The following PIGA variants were observed in gnomAD, a reference collection of about 807,000 sequenced individuals.
The protein encoded by PIGA is phosphatidylinositol glycan anchor biosynthesis class A.
A neutral mutation model predicts 17.1 loss-of-function variants in PIGA; 3 were observed. The observed-to-expected ratio is 0.18, with a 90% CI of 0.08 to 0.45. The LOEUF (loss-of-function observed/expected upper bound fraction) is 0.45, where lower values mean the gene tolerates loss of function less well. Ranked by LOEUF, PIGA falls within the 20% of genes least tolerant of loss-of-function variation. The pLI is 0.99. For synonymous variants in PIGA, 126 were observed against 135.1 expected (o/e 0.93, Z 0.47); for missense variants, 231 against 374.1 (o/e 0.62, Z 3.16).
chrX:15,335,477 AG>A (rs1329753069), intron 1 of PIGA, 23 bp downstream of exon 1: 1 of 988,190 alleles, frequency 1.0e-6, no homozygotes, highest in Non-Finnish European at 1.3e-6. Flanking sequence ...AGCGCTGGAG[AG>A]GGGCGGCGCG....
intron 5 of PIGA, among the ~76,000 whole-genome samples, chrX:15,324,401 T>C (rs1463145505): frequency 1.8e-5 from 2 of 112,402 alleles, no homozygotes; most frequent in African/African-American, 3.2e-5. Flanking sequence ...TTGTGACTTT[T>C]AGAAAATTTT....
At chrX:15,330,819 G>A (rs2147723123) in intron 2 of PIGA, 1 of 119,251 alleles carries the variant, frequency 8.4e-6, no homozygotes, top group South Asian at 3.0e-4. Flanking sequence ...AGCCAGGATG[G>A]TCTCAACCTC....
intron 2 of PIGA, 131 bp from the exon 3 acceptor site, chrX:15,326,177 A>G (rs1362538352): frequency 7.7e-6 from 3 of 389,496 alleles, no homozygotes; most frequent in Admixed American, 4.8e-5. Flanking sequence ...ACTCTCTTAA[A>G]CCTTTTCCAG....
In PIGA at chrX:15,320,420, C is replaced by G. The variant is rs1921767444; in HGVS notation, c.*1086G>C. 1 of 112,474 alleles carries G rather than the reference C, an allele frequency of 8.9e-6. No homozygotes were observed. Among genetic ancestry groups the G allele is most frequent in the East Asian group, 2.8e-4 (1 of 3,610 alleles). 9.3% of individuals were successfully genotyped at this position (112,474 alleles called of 1,213,427 possible). ...CAAAGACTGTTTCTAAAATTTTCAA[C>G]TTAGTTTGCTATAAATAAACCATTC... is the stretch of plus-strand genomic sequence containing the variant. On this transcript the variant is annotated 3_prime_UTR_variant, in exon 6 of 6. Transcript: ENST00000333590.
chrX:15,331,904 A>G lies in PIGA; in HGVS notation c.27T>C (p.Asn9=). The part of the protein sequence containing the change: MACRGGAG[N]GHRASATLSR... ...AGAGTGTAGCTGAGGCACGGTGGCC[A>G]TTCCCAGCTCCTCCTCTACAGGCCA... The change falls in exon 2 of 6, where the codon AAT becomes AAC. Residue 9 remains asparagine (N), a synonymous_variant. Coordinates refer to ENST00000333590, the MANE Select transcript of PIGA (RefSeq NM_002641.4). The G allele has an allele frequency of 8.3e-7, 1 of 1,206,906 alleles. No homozygotes were observed. The highest frequency in any genetic ancestry group is 3.0e-5 in the East Asian group (1 of 33,818).
chrX:15,333,101 A>G (rs1216512515), intron 1 of PIGA, among the ~76,000 whole-genome samples: 1 of 111,822 alleles, frequency 8.9e-6, no homozygotes, highest in Non-Finnish European at 1.9e-5. Context: ...GTGCCCATTC[A>G]TTTATGTGAA....
chrX:15,335,432 C>G, intron 1 of PIGA, 69 bp downstream of exon 1: 1 of 949,551 alleles, frequency 1.1e-6, no homozygotes, highest in Non-Finnish European at 1.3e-6. Context: ...CACGATCCCA[C>G]GCGCGCAGAA....
Position 15,329,689 on chromosome X carries a change from C to T in PIGA, c.715+1527G>A, listed in dbSNP as rs184337037. Among the ~76,000 whole-genome samples the T allele has an allele frequency of 7.2e-5, 8 of 111,590 alleles. No individual in the cohort carries two copies. The East Asian group carries it at 2.3e-3, about 31-fold the overall frequency. On this transcript the variant is annotated intron_variant, in intron 2 of 5. Coordinates refer to ENST00000333590, the MANE Select transcript of PIGA (RefSeq NM_002641.4). ...AGTGGACAGGTTTTCAAATAGCACTCAGAAGACACTGTTTTTTATAACCAG... is the reference window on the plus strand; with the variant it reads ...AGTGGACAGGTTTTCAAATAGCACTTAGAAGACACTGTTTTTTATAACCAG...
chrX:15,320,452 A>G lies in PIGA; in HGVS notation c.*1054T>C, dbSNP rs1158212445. ...TGCTATAAATAAACCATTCTGAAGT[A>G]AAGCCTTTTGCACACTGACAATACT... On this transcript the variant is annotated 3_prime_UTR_variant, in exon 6 of 6. Coordinates refer to ENST00000333590, the MANE Select transcript of PIGA (RefSeq NM_002641.4). The G allele has an allele frequency of 1.8e-5, 2 of 112,648 alleles. No homozygotes were observed. The highest frequency in any genetic ancestry group is 3.2e-5 in the African/African-American group (1 of 30,983). 9.3% of individuals were successfully genotyped at this position (112,648 alleles called of 1,213,427 possible). A position where few individuals can be genotyped will look rare whatever the true frequency, so the allele number is the denominator to read the frequency against.
chrX:15,324,961 C>T, intron 4 of PIGA, 59 bp downstream of exon 4: 1 of 1,163,719 alleles, frequency 8.6e-7, no homozygotes, highest in South Asian at 1.9e-5. Flanking sequence ...TGGAATGTGT[C>T]TCATTATTTT....
intron 2 of PIGA, among the ~76,000 whole-genome samples, chrX:15,329,854 G>A (rs1922098790): frequency 1.8e-5 from 2 of 111,339 alleles, no homozygotes; most frequent in African/African-American, 3.3e-5. Context: ...GGGAGGCCGG[G>A]GCAGGTGGAT....
Position 15,324,795 on chromosome X carries a change from T to C in PIGA, c.1058A>G (p.Lys353Arg), listed in dbSNP as rs749191978. The change falls in exon 5 of 6, where the codon AAA (lysine) becomes AGA (arginine). Residue 353 changes from lysine (K) to arginine (R), a missense_variant. This residue lies in a region of PIGA where 88 missense variants were observed against 100.5 expected (regional missense o/e 0.88). Transcript: ENST00000333590. ...CTTTTCCAATCCTTCACACAAAGAT[T>C]TTACTGAAGGCTCACATAAAATAAT... ...NLIILCEPSV[K>R]SLCEGLEKAI... The C allele has an allele frequency of 8.3e-7, 1 of 1,209,549 alleles. No homozygotes were observed.
At chrX:15,335,393 G>C (rs1373035108) in intron 1 of PIGA, 108 bp downstream of exon 1, 16 of 732,371 alleles carry the variant, frequency 2.2e-5, no homozygotes, top group Non-Finnish European at 2.9e-5. Context: ...GCTTCGAACC[G>C]GGTCGGTTTC....
chrX:15,324,973 C>A, intron 4 of PIGA, 47 bp downstream of exon 4: 1 of 1,173,701 alleles, frequency 8.5e-7, no homozygotes. Context: ...CATTATTTTT[C>A]AAAATACACA....
chrX:15,328,427 G>C (rs1336033262), intron 2 of PIGA: 1 of 112,206 alleles, frequency 8.9e-6, no homozygotes, highest in East Asian at 2.8e-4. Flanking sequence ...GCTTGGAAGA[G>C]GAGGCTCAGG....
intron 2 of PIGA, chrX:15,328,368 GTGCCTA>G (rs1201814329): frequency 2.7e-5 from 3 of 112,125 alleles, no homozygotes; most frequent in Non-Finnish European, 5.6e-5. Context: ...GCAGGTGAGC[GTGCCTA>G]CACATGCAGA....
chrX:15,330,522 T>C (rs1280143323), intron 2 of PIGA, among the ~76,000 whole-genome samples: 3 of 112,775 alleles, frequency 2.7e-5, no homozygotes, highest in African/African-American at 9.7e-5. Context: ...GTGCTTTTCT[T>C]AGTTTCCAAA....
intron 5 of PIGA, among the ~76,000 whole-genome samples, chrX:15,324,190 T>C (rs1921900534): frequency 8.9e-6 from 1 of 112,405 alleles, no homozygotes; most frequent in Non-Finnish European, 1.9e-5. Context: ...GCAAAAATCC[T>C]TTTCCTGGAG....
rs1602206586 is a variant in PIGA, at chrX:15,321,615, G to A, written c.1346C>T (p.Ser449Phe). 1 of 1,208,067 alleles carries A rather than the reference G, an allele frequency of 8.3e-7. No homozygotes were observed. The highest frequency in any genetic ancestry group is 2.2e-5 in the Admixed American group (1 of 45,764). Reference sequence around the variant, plus strand: ...GGCATCTATTGCAACATCAATGATAGAATCTGGAGTCATCCATCTCAAGAA... The same window carrying A: ...GGCATCTATTGCAACATCAATGATAAAATCTGGAGTCATCCATCTCAAGAA... ...LIFLRWMTPDSIIDVAIDATG... is the reference protein window; with the variant it reads ...LIFLRWMTPDFIIDVAIDATG... The change falls in exon 6 of 6, where the codon TCT becomes TTT. Residue 449 changes from serine to phenylalanine, a missense_variant. Around this residue, in one of 5 missense-constraint regions of PIGA, gnomAD observed 88 missense variants for 100.5 expected, o/e 0.88. Coordinates refer to ENST00000333590, the MANE Select transcript of PIGA (RefSeq NM_002641.4).
Sources: gnomAD v4.1 joint callset for allele counts (sites outside exome capture counted in the v4.1 genomes callset) on GRCh38, gnomAD v4.1.1 for gene constraint, gnomAD v4.1.1 regional missense constraint, MANE v1.5 for transcripts, NCBI Gene and HGNC (gene_info 2026-07-23, HGNC 2026-07-21) for gene names.